The following MTFR1L variants were observed in gnomAD, a reference collection of about 807,000 sequenced individuals.
The protein encoded by MTFR1L is mitochondrial fission regulator 1 like.
MTFR1L carries 10 observed loss-of-function variants against 27.9 expected under a neutral mutation model. That is an observed-to-expected ratio of 0.36 (90% confidence interval 0.22 to 0.61). The LOEUF (loss-of-function observed/expected upper bound fraction) is 0.61. MTFR1L is among the 20% of genes least tolerant of loss of function. MTFR1L has a pLI of 0.73. For missense variants in MTFR1L, 315 were observed against 363.7 expected, an observed-to-expected ratio of 0.87 and a Z score of 1.09; for synonymous variants, 151 against 139.4, an observed-to-expected ratio of 1.08 and a Z score of -0.58.
chr1:25,827,171 C>T (rs2048179763), intron 5 of MTFR1L, among the ~76,000 whole-genome samples: 1 of 151,906 alleles, frequency 6.6e-6, no homozygotes, highest in African/African-American at 2.4e-5. Flanking sequence ...GAGTCTTGCT[C>T]TGTCGCCCAG....
intron 5 of MTFR1L, among the ~76,000 whole-genome samples, chr1:25,827,563 C>A (rs1042623527): frequency 3.9e-5 from 6 of 152,158 alleles, no homozygotes; most frequent in African/African-American, 1.4e-4. Flanking sequence ...GCCTCAGCCT[C>A]CTGAGTAGCT....
chr1:25,820,888 A>C, intron 1 of MTFR1L: 2 of 367,376 alleles, frequency 5.4e-6, no homozygotes, highest in Non-Finnish European at 1.0e-5. Context: ...CGGAGCGCAC[A>C]GGAAAGGACC....
intron 5 of MTFR1L, among the ~76,000 whole-genome samples, chr1:25,828,222 T>G (rs936764732): frequency 6.6e-6 from 1 of 152,204 alleles, no homozygotes; most frequent in African/African-American, 2.4e-5. Flanking sequence ...TATGTTATGT[T>G]TTCTTATCTC....
At chr1:25,823,371 TCTCTA>T (rs1557441428) in intron 2 of MTFR1L, 1 of 719,132 alleles carries the variant, frequency 1.4e-6, no homozygotes, top group Non-Finnish European at 2.5e-6. Context: ...GCCTGGATAA[TCTCTA>T]CACTCAGCTA....
chr1:25,826,599 G>T lies in MTFR1L; in HGVS notation c.240-16G>T. On this transcript the variant is annotated splice_polypyrimidine_tract_variant and intron_variant, in intron 4 of 6. Coordinates refer to ENST00000374303, the MANE Select transcript of MTFR1L (RefSeq NM_001099625.2). This position sits in a 1 kb window ranked among gnomAD's most constrained non-coding sequence, Gnocchi z 4.1. ...CTGCTGTCTCTAACTGATCTACTTG[G>T]TTTTCCCTGGTCCAGGAGTGATACG... 1 of 1,614,100 alleles carries T rather than the reference G, an allele frequency of 6.2e-7. No individual in the cohort carries two copies. Among genetic ancestry groups the T allele is most frequent in the Non-Finnish European group, 8.5e-7 (1 of 1,179,990 alleles).
At chr1:25,825,003 A>G (rs2048149300) in intron 3 of MTFR1L, among the ~76,000 whole-genome samples, 1 of 152,066 alleles carries the variant, frequency 6.6e-6, no homozygotes, top group Non-Finnish European at 1.5e-5. Flanking sequence ...TTGTTTACTC[A>G]TTTAATTGCC....
intron 5 of MTFR1L, among the ~76,000 whole-genome samples, chr1:25,828,211 TTA>T (rs2048192131): frequency 1.3e-5 from 2 of 152,174 alleles, no homozygotes; most frequent in Non-Finnish European, 2.9e-5. Flanking sequence ...TTTCATGACA[TTA>T]TGTTATGTTT....
At position 25,829,681 on chromosome 1, in the gene MTFR1L, T is replaced by C. The variant is rs1412767510; in HGVS notation, c.624T>C (p.Ser208=). Residue 208 remains serine, a synonymous_variant, in exon 6 of 7, where the codon TCT becomes TCC. Transcript: ENST00000374303. ...PELPSVPLLC[S]ASPECCKPEH... ...TTCCATCAGTCCCCCTGCTTTGTTC[T>C]GCCAGCCCTGAATGTTGCAAACCAG... 1 of 1,614,216 alleles carries C rather than the reference T, an allele frequency of 6.2e-7. No homozygotes were observed. The highest frequency in any genetic ancestry group is 1.1e-5 in the South Asian group (1 of 91,090).
chr1:25,822,965 A>C lies in MTFR1L; in HGVS notation c.-86-54A>C, dbSNP rs915198623. On this transcript the variant is annotated intron_variant, in intron 1 of 6. Transcript: ENST00000374303. ...TTTTGGGGCTTGTGTGGTGACCATTAAATCCCCACTGTGGGGGGTTGTTTC... is the reference window on the plus strand; with the variant it reads ...TTTTGGGGCTTGTGTGGTGACCATTCAATCCCCACTGTGGGGGGTTGTTTC... The C allele has an allele frequency of 8.7e-6, 13 of 1,489,688 alleles. No homozygotes were observed. The African/African-American group carries it at 1.5e-4, about 17-fold the overall frequency. The allele number at this position is 1,489,688 out of a possible 1,614,324, so 92.3% of individuals were successfully genotyped here.
chr1:25,832,152 G>A lies in MTFR1L; in HGVS notation c.*126G>A. The A allele has an allele frequency of 6.4e-7, 1 of 1,570,024 alleles. No individual in the cohort carries two copies. Among genetic ancestry groups the A allele is most frequent in the Non-Finnish European group, 8.6e-7 (1 of 1,160,928 alleles). Reference sequence around the variant, plus strand: ...GCAACAGTCTTGCTGACAAGCTAGAGCTTGGACTGAAAGAGAAGAGCTGGA... The same window carrying A: ...GCAACAGTCTTGCTGACAAGCTAGAACTTGGACTGAAAGAGAAGAGCTGGA... On this transcript the variant is annotated 3_prime_UTR_variant, in exon 7 of 7. Transcript: ENST00000374303.
chr1:25,823,673 T>A lies in MTFR1L; in HGVS notation c.54T>A (p.His18Gln). ...VTIPIWQNKP[H>Q]GAARSVVRRI... Reference sequence around the variant, plus strand: ...TCCCAATCTGGCAAAACAAGCCACATGGGGCTGCTCGAAGTGTAGTAAGAA... The same window carrying A: ...TCCCAATCTGGCAAAACAAGCCACAAGGGGCTGCTCGAAGTGTAGTAAGAA... Residue 18 changes from histidine (H) to glutamine (Q), a missense_variant, in exon 3 of 7, where the codon CAT (histidine) becomes CAA (glutamine). Physicochemically the swap from His to Gln is conservative, Grantham distance 24 (BLOSUM62 0). Transcript: ENST00000374303. The A allele has an allele frequency of 6.2e-7, 1 of 1,614,024 alleles. No homozygotes were observed. The highest frequency in any genetic ancestry group is 8.5e-7 in the Non-Finnish European group (1 of 1,179,934).
At position 25,826,338 on chromosome 1, in the gene MTFR1L, G is replaced by A. The variant is rs1324109072; in HGVS notation, c.166G>A (p.Val56Met). The change falls in exon 4 of 7, where the codon GTG becomes ATG. Residue 56 changes from valine (V) to methionine (M), a missense_variant. Physicochemically the swap from Val to Met is conservative, Grantham distance 21. Coordinates refer to ENST00000374303, the MANE Select transcript of MTFR1L (RefSeq NM_001099625.2). This position sits in a 1 kb window ranked among gnomAD's most constrained non-coding sequence, Gnocchi z 4.1. ...CATCTCTGACCTGTGTTTGAGAGATGTGCCCCCAGTCCCTACCCTGGCTGA... is the reference window on the plus strand; with the variant it reads ...CATCTCTGACCTGTGTTTGAGAGATATGCCCCCAGTCCCTACCCTGGCTGA... ...PNISDLCLRD[V>M]PPVPTLADIA... 5.6e-6 allele frequency: 9 copies of A among 1,614,064 alleles called. No homozygotes were observed. In the South Asian group the frequency reaches 6.6e-5, roughly 12 times the overall value.
rs1484129651 is a variant in MTFR1L, at chr1:25,829,838, T to C, written c.773+8T>C. 2.5e-6 allele frequency: 4 copies of C among 1,589,208 alleles called. No individual in the cohort carries two copies. Among genetic ancestry groups the C allele is most frequent in the East Asian group, 2.2e-5 (1 of 44,690 alleles). On this transcript the variant is annotated splice_region_variant and intron_variant, in intron 6 of 6. Transcript: ENST00000374303. ...GAAACAGAGTCAAGATCTGTAAGTA[T>C]CTGATGAGGAGCTCTGGTATCTATT...
At position 25,826,616 on chromosome 1, in the gene MTFR1L, A is replaced by G; in HGVS notation, c.241A>G (p.Ser81Gly). ...DEEETYARVR[S>G]DTRPLRHTWK... Reference sequence around the variant, plus strand: ...TCTACTTGGTTTTCCCTGGTCCAGGAGTGATACGCGCCCCCTGAGGCACAC... The same window carrying G: ...TCTACTTGGTTTTCCCTGGTCCAGGGGTGATACGCGCCCCCTGAGGCACAC... Residue 81 changes from serine to glycine, a missense_variant and splice_region_variant, in exon 5 of 7, where the codon AGT (serine) becomes GGT (glycine). By Grantham distance (56) the Ser-to-Gly change is moderately conservative. Coordinates refer to ENST00000374303, the MANE Select transcript of MTFR1L (RefSeq NM_001099625.2). The surrounding 1 kb of genome is among the most constrained non-coding windows in gnomAD (Gnocchi z 4.1). 1 of 1,614,124 alleles carries G rather than the reference A, an allele frequency of 6.2e-7. No homozygotes were observed. Among genetic ancestry groups the G allele is most frequent in the Non-Finnish European group, 8.5e-7 (1 of 1,180,008 alleles).
In MTFR1L at chr1:25,823,030, T is replaced by G; in HGVS notation, c.-75T>G. On this transcript the variant is annotated 5_prime_UTR_variant, in exon 2 of 7. The change abolishes an upstream ATG in the 5' untranslated region. Transcript: ENST00000374303. ...TGGTGCTCCTCCAGATGGCCTGATA[T>G]GAAGGAGTCACGCCTCCCGCCTCCC... The G allele has an allele frequency of 6.2e-7, 1 of 1,613,684 alleles. No homozygotes were observed. The highest frequency in any genetic ancestry group is 8.5e-7 in the Non-Finnish European group (1 of 1,179,866).
chr1:25,831,353 C>T (rs1399506001), intron 6 of MTFR1L, among the ~76,000 whole-genome samples: 2 of 152,180 alleles, frequency 1.3e-5, no homozygotes, highest in East Asian at 3.9e-4. Flanking sequence ...CTACTTCAGT[C>T]TGGAGTTGGT....
chr1:25,826,545 G>A lies in MTFR1L; in HGVS notation c.240-70G>A, dbSNP rs751616757. 20 of 1,593,134 alleles carry A rather than the reference G, an allele frequency of 1.3e-5. No individual in the cohort carries two copies. The highest frequency in any genetic ancestry group is 1.7e-5 in the Admixed American group (1 of 59,820). ...CTTACTATACTACTCTCACAGAAGT[G>A]GGGGAAGGAACCTTAGGAGCACAGT... On this transcript the variant is annotated intron_variant, in intron 4 of 6. Transcript: ENST00000374303. This position sits in a 1 kb window ranked among gnomAD's most constrained non-coding sequence, Gnocchi z 4.1.
intron 5 of MTFR1L, among the ~76,000 whole-genome samples, chr1:25,828,461 G>A (rs1349041176): frequency 6.6e-6 from 1 of 152,036 alleles, no homozygotes. Flanking sequence ...CATGTGCCTT[G>A]AACCTGGAAG....
Position 25,823,077 on chromosome 1 carries a change from T to A in MTFR1L, c.-28T>A, listed in dbSNP as rs2048118349. 1 of 1,614,062 alleles carries A rather than the reference T, an allele frequency of 6.2e-7. No individual in the cohort carries two copies. Among genetic ancestry groups the A allele is most frequent in the Non-Finnish European group, 8.5e-7 (1 of 1,180,036 alleles). ...TCCCGGAGCTGCCCAGTGGCTGCCTTGTCCTTCAAGTGCAGGAGCTGGTTC... is the reference window on the plus strand; with the variant it reads ...TCCCGGAGCTGCCCAGTGGCTGCCTAGTCCTTCAAGTGCAGGAGCTGGTTC... On this transcript the variant is annotated 5_prime_UTR_variant, in exon 2 of 7. Coordinates refer to ENST00000374303, the MANE Select transcript of MTFR1L (RefSeq NM_001099625.2).
Sources: allele counts gnomAD v4.1 joint callset (sites outside exome capture counted in the v4.1 genomes callset), GRCh38; gene constraint gnomAD v4.1.1; non-coding constraint Gnocchi (gnomAD v3.1); transcripts MANE v1.5; gene names NCBI Gene and HGNC (gene_info 2026-07-23, HGNC 2026-07-21).